COG6: variants seen among roughly 807,000 people sequenced by gnomAD.
COG6 encodes the protein conserved oligomeric Golgi complex subunit 6.
A neutral mutation model predicts 88.8 loss-of-function variants in COG6; 74 were observed. That is an observed-to-expected ratio of 0.83 (90% confidence interval 0.69 to 1.01). The LOEUF is 1.01. Among genes scored for constraint, COG6 ranks in the 50% least tolerant of loss-of-function variants. COG6 has a pLI of 0.00. For missense variants in COG6, 800 were observed against 797.9 expected, an observed-to-expected ratio of 1.00 and a Z score of -0.03; for synonymous variants, 286 against 278.7, an observed-to-expected ratio of 1.03 and a Z score of -0.26.
intron 18 of COG6, among the ~76,000 whole-genome samples, chr13:39,773,822 C>G (rs930579873): frequency 3.3e-5 from 5 of 150,786 alleles, no homozygotes; most frequent in African/African-American, 1.2e-4. Flanking sequence ...ATGGTGTACT[C>G]TAATTGGTCC....
At chr13:39,679,137 A>G (rs1289211880) in intron 5 of COG6, among the ~76,000 whole-genome samples, 2 of 152,282 alleles carry the variant, frequency 1.3e-5, no homozygotes, top group East Asian at 3.9e-4. Flanking sequence ...ACAGATACAT[A>G]AAACATCATC....
At chr13:39,731,387 A>G (rs1384029055) in intron 18 of COG6, among the ~76,000 whole-genome samples, 1 of 152,200 alleles carries the variant, frequency 6.6e-6, no homozygotes. Context: ...GAGAAAGAAA[A>G]TGGTTTTAAA....
chr13:39,684,090 A>G (rs1876480978), intron 8 of COG6, among the ~76,000 whole-genome samples: 2 of 152,064 alleles, frequency 1.3e-5, no homozygotes, highest in African/African-American at 4.8e-5. Flanking sequence ...AGATGACTAG[A>G]AAGTTTTCAA....
intron 13 of COG6, among the ~76,000 whole-genome samples, chr13:39,711,818 T>C (rs1878253784): frequency 1.3e-5 from 2 of 152,218 alleles, no homozygotes; most frequent in Admixed American, 6.5e-5. Flanking sequence ...TTTAAAAATA[T>C]GAGTGTACAC....
chr13:39,694,548 T>C lies in COG6; in HGVS notation c.1075-86T>C, dbSNP rs9603594. The C allele has an allele frequency of 0.24, 190,281 of 791,048 alleles. 23,479 individuals are homozygous for C. The highest frequency in any genetic ancestry group is 0.29 in the East Asian group (10,946 of 37,930). 49.0% of individuals were successfully genotyped at this position (791,048 alleles called of 1,614,324 possible). ...CTCTGCAGTAATAAAATTTTATCTT[T>C]GTTATGCTATTCATACCATATGTTA... On this transcript the variant is annotated intron_variant, in intron 11 of 18. Coordinates refer to ENST00000455146, the MANE Select transcript of COG6 (RefSeq NM_020751.3).
At chr13:39,698,007 C>A (rs1037969172) in intron 12 of COG6, among the ~76,000 whole-genome samples, 1 of 151,758 alleles carries the variant, frequency 6.6e-6, no homozygotes, top group African/African-American at 2.4e-5. Flanking sequence ...ATACCTAAAA[C>A]TGAAAAATCA....
At chr13:39,755,658 G>A (rs943007759), downstream of COG6, among the ~76,000 whole-genome samples, 1 of 152,038 alleles carries the variant, frequency 6.6e-6, no homozygotes, top group African/African-American at 2.4e-5. Flanking sequence ...CAGAGAGACC[G>A]TAATCTCTCA....
At chr13:39,677,879 T>G (rs191529715) in intron 5 of COG6, among the ~76,000 whole-genome samples, 1 of 152,340 alleles carries the variant, frequency 6.6e-6, no homozygotes, top group Admixed American at 6.5e-5. Context: ...TTCTATATTC[T>G]AGATCTATAG....
At chr13:39,692,105 T>A (rs1053080734) in intron 11 of COG6, among the ~76,000 whole-genome samples, 7 of 152,060 alleles carry the variant, frequency 4.6e-5, no homozygotes, top group Non-Finnish European at 1.0e-4. Context: ...TATTTGTAAA[T>A]GTATGCATTA....
chr13:39,658,635 G>A (rs1032348627), intron 1 of COG6, among the ~76,000 whole-genome samples: 6 of 151,982 alleles, frequency 3.9e-5, no homozygotes, highest in Admixed American at 6.6e-5. Context: ...GCCTAAAATC[G>A]TAATAATTTC....
chr13:39,766,745 T>C (rs1269049833), intron 18 of COG6, among the ~76,000 whole-genome samples: 1 of 152,232 alleles, frequency 6.6e-6, no homozygotes, highest in Non-Finnish European at 1.5e-5. Flanking sequence ...GATGGGGATC[T>C]TGGCAAGGTT....
intron 13 of COG6, among the ~76,000 whole-genome samples, chr13:39,706,210 C>T (rs1877885324): frequency 6.5e-5 from 2 of 30,980 alleles, no homozygotes; most frequent in East Asian, 1.0e-3. Context: ...TATATATATA[C>T]TCCTTTATAT....
intron 5 of COG6, among the ~76,000 whole-genome samples, chr13:39,678,910 A>G (rs1876135552): frequency 9.0e-6 from 1 of 111,672 alleles, no homozygotes; most frequent in Admixed American, 1.1e-4. Context: ...TAGAAATTAG[A>G]AAATGAGGGT....
downstream of COG6, among the ~76,000 whole-genome samples, chr13:39,753,879 G>A (rs994380517): frequency 6.6e-6 from 1 of 152,074 alleles, no homozygotes; most frequent in Admixed American, 6.5e-5. Context: ...TAGACATGCT[G>A]TCGTCTACTT....
rs749226196 is a variant in COG6, at chr13:39,655,764, C to T, written c.38C>T (p.Ala13Val). The change falls in exon 1 of 19, where the codon GCG becomes GTG. Residue 13 changes from alanine to valine, a missense_variant. Physicochemically the swap from Ala to Val is moderately conservative, Grantham distance 64. Transcript: ENST00000455146. The stretch of plus-strand genomic sequence containing the variant: ...AGCGGGGAAGTGGTCGCAGTGTCTG[C>T]GACCGGGGCTGCCAACGGCCTCAAC... ...EGSGEVVAVS[A>V]TGAANGLNNG... is the part of the protein sequence containing the mutation. The T allele has an allele frequency of 2.5e-6, 4 of 1,592,958 alleles. No individual in the cohort carries two copies. In the South Asian group the frequency reaches 3.4e-5, roughly 14 times the overall value.
At chr13:39,790,590 TG>T (rs2138198466) in exon 19 of COG6, 1 of 152,230 alleles carries the variant, frequency 6.6e-6, no homozygotes, top group Non-Finnish European at 1.5e-5. Context: ...TCATAAATTT[TG>T]CATTCTCATA....
chr13:39,679,331 A>G, intron 5 of COG6: 1 of 558,812 alleles, frequency 1.8e-6, no homozygotes, highest in South Asian at 2.3e-5. Context: ...CATAGTAGAA[A>G]CTGAATTAAT....
chr13:39,767,572 C>T (rs1245046404), intron 18 of COG6, among the ~76,000 whole-genome samples: 6 of 152,164 alleles, frequency 3.9e-5, no homozygotes, highest in African/African-American at 1.4e-4. Flanking sequence ...GAAGGGCGTT[C>T]TCTCTGTGTG....
At chr13:39,753,705 G>T (rs1159558797), downstream of COG6, among the ~76,000 whole-genome samples, 1 of 151,942 alleles carries the variant, frequency 6.6e-6, no homozygotes, top group Non-Finnish European at 1.5e-5. Context: ...CTTCTTATTA[G>T]ATCCTTCTGT....
Sources: allele counts gnomAD v4.1 joint callset (sites outside exome capture counted in the v4.1 genomes callset), GRCh38; gene constraint gnomAD v4.1.1; transcripts MANE v1.5; gene names NCBI Gene and HGNC (gene_info 2026-07-23, HGNC 2026-07-21).